Variants in PTP4A1 observed in about 807,000 individuals in gnomAD.
PTP4A1 encodes protein tyrosine phosphatase type IVA 1.
PTP4A1 carries 9 observed loss-of-function variants against 20.5 expected under a neutral mutation model. The observed-to-expected ratio is 0.44, with a 90% CI of 0.26 to 0.77. The LOEUF is 0.77. Among genes scored for constraint, PTP4A1 ranks in the 30% least tolerant of loss-of-function variants. The pLI is 0.19. For missense variants in PTP4A1, 137 were observed against 218.8 expected (o/e 0.63, Z 2.36); for synonymous variants, 78 against 67.4 (o/e 1.16, Z -0.77).
intron 2 of PTP4A1, among the ~76,000 whole-genome samples, chr6:63,537,027 A>G (rs566260096): frequency 6.6e-6 from 1 of 152,246 alleles, no homozygotes; most frequent in African/African-American, 2.4e-5. Context: ...AAGGTTAAAT[A>G]GTTTTAAAAT....
At position 63,538,587 on chromosome 6, in the gene PTP4A1, T is replaced by C. The variant is rs77268015; in HGVS notation, c.-640+10503T>C. 1.2e-4 allele frequency among the ~76,000 whole-genome samples: 19 copies of C among 152,302 alleles called. No homozygotes were observed. In the East Asian group the frequency reaches 3.7e-3, roughly 29 times the overall value. On this transcript the variant is annotated intron_variant, in intron 2 of 3. Transcript: ENST00000639568. ...AACTTGGTCCAAGCATATAAAATAG[T>C]GCAAATACCAAGAAATAGCATGCAA... is the stretch of plus-strand genomic sequence containing the variant.
At chr6:63,549,408 T>G (rs1195580640) in intron 2 of PTP4A1, 2 of 752,284 alleles carry the variant, frequency 2.7e-6, no homozygotes, top group African/African-American at 1.7e-5. Flanking sequence ...TCTTAGGCCG[T>G]TTCTCAAACA....
chr6:63,549,955 A>T (rs1776363927), intron 2 of PTP4A1, among the ~76,000 whole-genome samples: 1 of 152,186 alleles, frequency 6.6e-6, no homozygotes, highest in Non-Finnish European at 1.5e-5. Flanking sequence ...GAAGGAGGAT[A>T]TTGAATGTTC....
chr6:63,546,558 T>C (rs1048062009), intron 2 of PTP4A1, among the ~76,000 whole-genome samples: 3 of 152,112 alleles, frequency 2.0e-5, no homozygotes, highest in Admixed American at 6.5e-5. Flanking sequence ...ACATAAAAAT[T>C]AGCCGAGCAT....
upstream of PTP4A1, chr6:63,572,434 T>A: frequency 2.7e-6 from 1 of 369,916 alleles, no homozygotes; most frequent in Non-Finnish European, 4.8e-6. Context: ...GCTGGAGGGT[T>A]GCACGTCGCG....
chr6:63,553,670 C>T (rs1776545204), intron 3 of PTP4A1, among the ~76,000 whole-genome samples: 1 of 152,030 alleles, frequency 6.6e-6, no homozygotes, highest in South Asian at 2.1e-4. Context: ...TGCATTATCA[C>T]TGATTAGGTT....
upstream of PTP4A1, chr6:63,572,447 G>C (rs530290302): frequency 2.6e-6 from 1 of 378,148 alleles, no homozygotes. Flanking sequence ...ACGTCGCGCC[G>C]GCTATAAAGG....
chr6:63,523,426 C>A (rs1302316757), intron 1 of PTP4A1, among the ~76,000 whole-genome samples: 1 of 151,876 alleles, frequency 6.6e-6, no homozygotes, highest in East Asian at 1.9e-4. Context: ...CCCAGCTACT[C>A]GGGAGGTTTG....
At chr6:63,576,100 A>G (rs1392564971) in intron 1 of PTP4A1, among the ~76,000 whole-genome samples, 1 of 149,920 alleles carries the variant, frequency 6.7e-6, no homozygotes, top group Non-Finnish European at 1.5e-5. Flanking sequence ...TATTATATAT[A>G]GATAGTATAT....
At chr6:63,569,086 T>C (rs1167276376), upstream of PTP4A1, among the ~76,000 whole-genome samples, 1 of 152,220 alleles carries the variant, frequency 6.6e-6, no homozygotes, top group Non-Finnish European at 1.5e-5. Context: ...TCTGAGAAGA[T>C]TGAAAATCAA....
chr6:63,549,133 C>A (rs1249395817), intron 2 of PTP4A1: 3 of 687,614 alleles, frequency 4.4e-6, no homozygotes, highest in Non-Finnish European at 7.9e-6. Flanking sequence ...GGGATGCCCC[C>A]TTTGCCAGCA....
At chr6:63,518,945 G>C (rs1774825242), upstream of PTP4A1, among the ~76,000 whole-genome samples, 1 of 152,120 alleles carries the variant, frequency 6.6e-6, no homozygotes, top group South Asian at 2.1e-4. Flanking sequence ...CTTTCAGCAG[G>C]ATCTGGGTAG....
At chr6:63,578,611 T>C (rs1778025510) in intron 3 of PTP4A1, 82 bp downstream of exon 3, 1 of 1,511,482 alleles carries the variant, frequency 6.6e-7, no homozygotes, top group African/African-American at 1.4e-5. Context: ...TAAATATCTA[T>C]TTAAGTCATA....
chr6:63,534,911 C>A (rs1178879706), intron 2 of PTP4A1, among the ~76,000 whole-genome samples: 1 of 150,616 alleles, frequency 6.6e-6, no homozygotes, highest in Non-Finnish European at 1.5e-5. Context: ...AATACAAAAA[C>A]TAGCTGGGTG....
chr6:63,526,775 C>A (rs1045599561), intron 1 of PTP4A1, among the ~76,000 whole-genome samples: 9 of 130,748 alleles, frequency 6.9e-5, no homozygotes, highest in Non-Finnish European at 1.3e-4. Context: ...CTCCAACCTG[C>A]GACAGAGCAA....
At chr6:63,549,095 T>C in intron 2 of PTP4A1, 1 of 707,326 alleles carries the variant, frequency 1.4e-6, no homozygotes, top group East Asian at 2.6e-5. Flanking sequence ...TGTTAACTCC[T>C]GCTCGAAGGA....
chr6:63,540,211 C>A (rs1775898201), intron 2 of PTP4A1, among the ~76,000 whole-genome samples: 1 of 152,156 alleles, frequency 6.6e-6, no homozygotes, highest in Non-Finnish European at 1.5e-5. Flanking sequence ...GATGCACTTA[C>A]TCCTTGAACA....
intron 2 of PTP4A1, among the ~76,000 whole-genome samples, chr6:63,533,880 G>A (rs1031225573): frequency 2.0e-5 from 3 of 151,896 alleles, no homozygotes; most frequent in Non-Finnish European, 2.9e-5. Context: ...GTCTCACTCT[G>A]TCGTCCAAGC....
At chr6:63,536,025 G>A (rs1189439710) in intron 2 of PTP4A1, among the ~76,000 whole-genome samples, 4 of 149,140 alleles carry the variant, frequency 2.7e-5, no homozygotes, top group East Asian at 2.2e-4. Flanking sequence ...CACCCACCTC[G>A]GCCTCCCAAA....
Sources: gnomAD v4.1 joint callset for allele counts (sites outside exome capture counted in the v4.1 genomes callset) on GRCh38, gnomAD v4.1.1 for gene constraint, MANE v1.5 for transcripts, NCBI Gene and HGNC (gene_info 2026-07-23, HGNC 2026-07-21) for gene names.